CD209: variants seen among roughly 807,000 people sequenced by gnomAD.
CD209 encodes CD209 antigen.
In CD209, 31 loss-of-function variants were observed where a neutral mutation model predicts 44.7. The ratio of observed to expected loss-of-function variants is 0.69; its 90% CI spans 0.52 to 0.94. CD209 has a LOEUF of 0.94. Among genes scored for constraint, CD209 ranks in the 40% least tolerant of loss-of-function variants. The probability of loss-of-function intolerance (pLI) is 0.00; values close to 1 mark genes in which losing one functional copy is unlikely to be tolerated. For missense variants in CD209, 407 were observed against 452.4 expected (o/e 0.90, Z 0.91); for synonymous variants, 173 against 181.3 (o/e 0.95, Z 0.37).
In CD209 at chr19:7,746,425, G is replaced by C. The variant is rs11465375; in HGVS notation, c.178+35C>G. 33 of 1,608,324 alleles carry C rather than the reference G, an allele frequency of 2.1e-5. 1 individual carries two copies. In the Admixed American group the frequency reaches 3.3e-4, roughly 16 times the overall value. On this transcript the variant is annotated intron_variant, in intron 3 of 6. Coordinates refer to ENST00000315599, the MANE Select transcript of CD209 (RefSeq NM_021155.4). ...CTGTGTCCACAGCCAAAAGCCAGGC[G>C]TGGGGACCCCAGACCCTCAGAACCT...
intron 4 of CD209, 45 bp downstream of exon 4, chr19:7,745,473 C>A (rs1375289497): frequency 1.9e-6 from 3 of 1,612,002 alleles, no homozygotes; most frequent in Non-Finnish European, 2.5e-6. Context: ...TCACACCACA[C>A]AACGACCATC....
At chr19:7,744,816 C>A in intron 5 of CD209, 125 bp downstream of exon 5, 1 of 1,332,216 alleles carries the variant, frequency 7.5e-7, no homozygotes, top group Non-Finnish European at 1.0e-6. Flanking sequence ...TCATTCATAT[C>A]CTTCTCCTCC....
Position 7,744,127 on chromosome 19 carries a change from G to A in CD209, c.993C>T (p.Asp331=), listed in dbSNP as rs78866372. ...LNQEGTWQWV[D]GSPLLPSFKQ... ...TCTACCTGGGCAACAGAGGTGAGCC[G>A]TCCACCCATTGCCACGTGCCTTCCT... Residue 331 remains aspartate, a synonymous_variant, in exon 6 of 7, where the codon GAC becomes GAT. Transcript: ENST00000315599. The A allele has an allele frequency of 8.1e-3, 13,030 of 1,613,644 alleles. 86 individuals are homozygous for A. Among genetic ancestry groups the A allele is most frequent in the Middle Eastern group, 0.014 (86 of 6,060 alleles).
chr19:7,743,972 C>A lies in CD209; in HGVS notation c.1013+135G>T. 3 of 705,742 alleles carry A rather than the reference C, an allele frequency of 4.3e-6. No homozygotes were observed. In the South Asian group the frequency reaches 5.3e-5, roughly 13 times the overall value. 43.7% of individuals were successfully genotyped at this position (705,742 alleles called of 1,614,324 possible). A position where few individuals can be genotyped will look rare whatever the true frequency, so the allele number is the denominator to read the frequency against. On this transcript the variant is annotated intron_variant, in intron 6 of 6. Coordinates refer to ENST00000315599, the MANE Select transcript of CD209 (RefSeq NM_021155.4). ...GTCTGGAAGTGGGTATGAAGACCAC[C>A]TTCCTCAACTCAGTAAAACCTCCAG...
intron 2 of CD209, 132 bp downstream of exon 2, chr19:7,747,174 G>A (rs1161432668): frequency 2.2e-6 from 2 of 906,412 alleles, no homozygotes; most frequent in Non-Finnish European, 3.5e-6. Flanking sequence ...AACCTCCTCA[G>A]GTCCCAGGAG....
At position 7,740,640 on chromosome 19, in the gene CD209, A is replaced by G; in HGVS notation, c.*2399T>C. ...ACAACAACTAGAAAAGCTATGGGGA[A>G]GAGAGAGGCAAAGATTACATGAGGA... On this transcript the variant is annotated 3_prime_UTR_variant, in exon 7 of 7. Transcript: ENST00000315599. 1 of 782,692 alleles carries G rather than the reference A, an allele frequency of 1.3e-6. No homozygotes were observed. 48.5% of individuals were successfully genotyped at this position (782,692 alleles called of 1,614,324 possible).
Position 7,741,652 on chromosome 19 carries a change from C to T in CD209, c.*1387G>A, listed in dbSNP as rs889512119. 24 of 877,308 alleles carry T rather than the reference C, an allele frequency of 2.7e-5. 1 individual carries two copies. The highest frequency in any genetic ancestry group is 3.6e-5 in the Admixed American group (2 of 54,944). The allele number at this position is 877,308 out of a possible 1,614,324, so 54.3% of individuals were successfully genotyped here. ...TCTGTTTAACGGACGATGGTATGTA[C>T]GCAGGACGACAGCTTCAGTGTGAAT... is the stretch of plus-strand genomic sequence containing the variant. On this transcript the variant is annotated 3_prime_UTR_variant, in exon 7 of 7. Transcript: ENST00000315599.
Position 7,747,372 on chromosome 19 carries a change from GGATA to G in CD209, c.47-11_47-8del. ...CCTCTCAGCTGTTCCTCCTCTGAATGGATAGACGTGAAATCAGAGCCTGGGCAGG... is the reference window on the plus strand; with the variant it reads ...CCTCTCAGCTGTTCCTCCTCTGAATGGACGTGAAATCAGAGCCTGGGCAGG... On this transcript the variant is annotated splice_polypyrimidine_tract_variant and splice_region_variant and intron_variant, in intron 1 of 6. Coordinates refer to ENST00000315599, the MANE Select transcript of CD209 (RefSeq NM_021155.4). The G allele has an allele frequency of 6.2e-7, 1 of 1,614,162 alleles. No individual in the cohort carries two copies. The highest frequency in any genetic ancestry group is 8.5e-7 in the Non-Finnish European group (1 of 1,179,990).
At position 7,740,349 on chromosome 19, in the gene CD209, G is replaced by T. The variant is rs944116844; in HGVS notation, c.*2690C>A. On this transcript the variant is annotated 3_prime_UTR_variant, in exon 7 of 7. Transcript: ENST00000315599. ...GTCCACGACAACTGAAAAACAACTC[G>T]CCATTTTATTACACAAAGTTGAACC... 5.7e-6 allele frequency: 3 copies of T among 527,860 alleles called. No individual in the cohort carries two copies. The highest frequency in any genetic ancestry group is 1.0e-5 in the Non-Finnish European group (3 of 286,506). The allele number at this position is 527,860 out of a possible 1,614,324, so 32.7% of individuals were successfully genotyped here.
Position 7,744,965 on chromosome 19 carries a change from G to A in CD209, c.876C>T (p.Val292=), listed in dbSNP as rs146541119. ...TACKEVGAQL[V]VIKSAEEQNF... is the part of the protein sequence containing the mutation. ...CCTGCTCCTCAGCACTTTTGATTAC[G>A]ACGAGCTGGGCCCCCACTTCTTTGC... The change falls in exon 5 of 7, where the codon GTC becomes GTT. Residue 292 remains valine (V), a synonymous_variant. Coordinates refer to ENST00000315599, the MANE Select transcript of CD209 (RefSeq NM_021155.4). 299 of 1,614,186 alleles carry A rather than the reference G, an allele frequency of 1.9e-4. 1 individual carries two copies. In the African/African-American group the frequency reaches 3.1e-3, roughly 17 times the overall value.
Position 7,742,840 on chromosome 19 carries a change from C to T in CD209, c.*199G>A. The T allele has an allele frequency of 1.7e-5, 10 of 599,794 alleles. 1 individual carries two copies. The South Asian group carries it at 1.8e-4, about 11-fold the overall frequency. The allele number at this position is 599,794 out of a possible 1,614,324, so 37.2% of individuals were successfully genotyped here. ...AGTCCACCCCCAAAGGCATCCCACA[C>T]CAGCTCACTCATAAAGCTCCAAGGA... On this transcript the variant is annotated 3_prime_UTR_variant, in exon 7 of 7. Transcript: ENST00000315599.
At position 7,741,578 on chromosome 19, in the gene CD209, G is replaced by A. The variant is rs2033615392; in HGVS notation, c.*1461C>T. Reference sequence around the variant, plus strand: ...ACTTGGAACCTCACCTGAGGGGCAAGTATATATGTTCAGTACCAGTCGGAA... The same window carrying A: ...ACTTGGAACCTCACCTGAGGGGCAAATATATATGTTCAGTACCAGTCGGAA... On this transcript the variant is annotated 3_prime_UTR_variant, in exon 7 of 7. Transcript: ENST00000315599. The A allele has an allele frequency of 1.4e-6, 1 of 718,264 alleles. No individual in the cohort carries two copies. Among genetic ancestry groups the A allele is most frequent in the African/African-American group, 1.8e-5 (1 of 56,570 alleles). The allele number at this position is 718,264 out of a possible 1,614,324, so 44.5% of individuals were successfully genotyped here.
Position 7,747,532 on chromosome 19 carries a change from T to C in CD209, c.-21A>G, listed in dbSNP as rs11465367. Reference sequence around the variant, plus strand: ...CTCATGTCACCCCACTCTCCCCCAGTGTCCAGAACTCCTGGGGGCCACAGC... The same window carrying C: ...CTCATGTCACCCCACTCTCCCCCAGCGTCCAGAACTCCTGGGGGCCACAGC... On this transcript the variant is annotated 5_prime_UTR_variant, in exon 1 of 7. Transcript: ENST00000315599. The C allele has an allele frequency of 1.2e-3, 1,868 of 1,613,786 alleles. 22 individuals carry two copies. In the African/African-American group the frequency reaches 0.022, roughly 19 times the overall value.
In CD209 at chr19:7,741,842, C is replaced by A; in HGVS notation, c.*1197G>T. 4.2e-6 allele frequency: 2 copies of A among 479,712 alleles called. No individual in the cohort carries two copies. The highest frequency in any genetic ancestry group is 4.1e-6 in the Non-Finnish European group (1 of 244,300). 29.7% of individuals were successfully genotyped at this position (479,712 alleles called of 1,614,324 possible). A position where few individuals can be genotyped will look rare whatever the true frequency, so the allele number is the denominator to read the frequency against. The stretch of plus-strand genomic sequence containing the variant: ...GCTCCAAGGGGAGAGAGAGGGTGGG[C>A]CACCACGATGAATACTACAGGCTGC... On this transcript the variant is annotated 3_prime_UTR_variant, in exon 7 of 7. Coordinates refer to ENST00000315599, the MANE Select transcript of CD209 (RefSeq NM_021155.4).
In CD209 at chr19:7,744,186, G is replaced by A. The variant is rs755645551; in HGVS notation, c.934C>T (p.Arg312Cys). 1.9e-5 allele frequency: 31 copies of A among 1,613,986 alleles called. No individual in the cohort carries two copies. Among genetic ancestry groups the A allele is most frequent in the East Asian group, 4.5e-5 (2 of 44,894 alleles). ...FLQLQSSRSN[R>C]FTWMGLSDLN... ...TCTGAAAGTCCCATCCAGGTGAAGC[G>A]GTTACTTCTGGAAGACTGCAGCTGT... The change falls in exon 6 of 7, where the codon CGC becomes TGC. Residue 312 changes from arginine to cysteine, a missense_variant. This residue lies in a region of CD209 where 200 missense variants were observed against 202.2 expected (regional missense o/e 0.99). Transcript: ENST00000315599.
Position 7,740,693 on chromosome 19 carries a change from A to G in CD209, c.*2346T>C, listed in dbSNP as rs746715607. 9.0e-6 allele frequency: 7 copies of G among 774,168 alleles called. No individual in the cohort carries two copies. The highest frequency in any genetic ancestry group is 4.7e-4 in the Middle Eastern group (2 of 4,250). The allele number at this position is 774,168 out of a possible 1,614,324, so 48.0% of individuals were successfully genotyped here. On this transcript the variant is annotated 3_prime_UTR_variant, in exon 7 of 7. Coordinates refer to ENST00000315599, the MANE Select transcript of CD209 (RefSeq NM_021155.4). ...GGTTGCTGAGAGAGCAGAAGGCACA[A>G]GAAGAATTCAGAATAAAGAAGGAAA...
rs976706137 is a variant in CD209 at position 7,740,566 on chromosome 19, T to C, written c.*2473A>G. On this transcript the variant is annotated 3_prime_UTR_variant, in exon 7 of 7. Coordinates refer to ENST00000315599, the MANE Select transcript of CD209 (RefSeq NM_021155.4). Reference sequence around the variant, plus strand: ...AAACGCCAGCAGGAACTTGCTCCACTGAGGGACTCAGGACTCTCACAGAAA... The same window carrying C: ...AAACGCCAGCAGGAACTTGCTCCACCGAGGGACTCAGGACTCTCACAGAAA... 7.3e-6 allele frequency: 7 copies of C among 959,934 alleles called. No individual in the cohort carries two copies. Among genetic ancestry groups the C allele is most frequent in the Non-Finnish European group, 1.2e-5 (7 of 584,972 alleles). 59.5% of individuals were successfully genotyped at this position (959,934 alleles called of 1,614,324 possible).
chr19:7,743,914 T>C (rs1430082417), intron 6 of CD209, among the ~76,000 whole-genome samples, 193 bp downstream of exon 6: 1 of 151,168 alleles, frequency 6.6e-6, no homozygotes, highest in Non-Finnish European at 1.5e-5. Context: ...CTCCTGCAGC[T>C]CTGCTGGTGG....
chr19:7,742,591 T>C lies in CD209; in HGVS notation c.*448A>G, dbSNP rs184000491. The C allele has an allele frequency of 3.7e-3, 681 of 182,212 alleles. 6 individuals are homozygous for C. Among genetic ancestry groups the C allele is most frequent in the African/African-American group, 0.015 (641 of 42,734 alleles). The allele number at this position is 182,212 out of a possible 1,614,324, so 11.3% of individuals were successfully genotyped here. A position where few individuals can be genotyped will look rare whatever the true frequency, so the allele number is the denominator to read the frequency against. On this transcript the variant is annotated 3_prime_UTR_variant, in exon 7 of 7. Coordinates refer to ENST00000315599, the MANE Select transcript of CD209 (RefSeq NM_021155.4). Reference sequence around the variant, plus strand: ...GCCTCCATGCCCTCTCTGGGTGCCATTGGTTGACTGGGGGAATTAATTCCC... The same window carrying C: ...GCCTCCATGCCCTCTCTGGGTGCCACTGGTTGACTGGGGGAATTAATTCCC...
Sources: gnomAD v4.1 joint callset for allele counts (sites outside exome capture counted in the v4.1 genomes callset) on GRCh38, gnomAD v4.1.1 for gene constraint, gnomAD v4.1.1 regional missense constraint, MANE v1.5 for transcripts, NCBI Gene and HGNC (gene_info 2026-07-23, HGNC 2026-07-21) for gene names.